Variants in PARD3B observed in about 807,000 individuals in gnomAD.
PARD3B encodes partitioning defective 3 homolog B.
A neutral mutation model predicts 130.2 loss-of-function variants in PARD3B; 103 were observed. The ratio of observed to expected loss-of-function variants is 0.79; its 90% CI spans 0.67 to 0.93. The LOEUF is 0.93. Among genes scored for constraint, PARD3B ranks in the 40% least tolerant of loss-of-function variants. The pLI is 0.00. For synonymous variants in PARD3B, 583 were observed against 553.2 expected, an observed-to-expected ratio of 1.05 and a Z score of -0.76; for missense variants, 1,609 against 1,499.2, an observed-to-expected ratio of 1.07 and a Z score of -1.21.
chr2:204,965,881 A>G (rs1410587471), intron 3 of PARD3B, among the ~76,000 whole-genome samples: 1 of 152,218 alleles, frequency 6.6e-6, no homozygotes, highest in Non-Finnish European at 1.5e-5. Flanking sequence ...CTAAAGTTTC[A>G]ATCAGTTTAC....
At chr2:204,829,085 G>A (rs2043704270) in intron 2 of PARD3B, among the ~76,000 whole-genome samples, 1 of 152,164 alleles carries the variant, frequency 6.6e-6, no homozygotes, top group South Asian at 2.1e-4. Flanking sequence ...GTAACCACCT[G>A]TAAGACAAAA....
chr2:204,582,822 T>C (rs1303449061), intron 1 of PARD3B, among the ~76,000 whole-genome samples: 1 of 152,218 alleles, frequency 6.6e-6, no homozygotes, highest in Non-Finnish European at 1.5e-5. Flanking sequence ...TGATTGCCAT[T>C]CTAACTGGTG....
intron 3 of PARD3B, among the ~76,000 whole-genome samples, chr2:204,968,859 G>T (rs985254764): frequency 1.3e-5 from 2 of 152,222 alleles, no homozygotes; most frequent in Admixed American, 6.5e-5. Flanking sequence ...AGCTGATGGG[G>T]TATATATTTT....
At chr2:204,800,536 A>T (rs2042531972) in intron 2 of PARD3B, among the ~76,000 whole-genome samples, 1 of 152,192 alleles carries the variant, frequency 6.6e-6, no homozygotes, top group African/African-American at 2.4e-5. Flanking sequence ...AGAGTGTTAT[A>T]TAACACCAAG....
At chr2:204,773,330 T>G (rs1244328782) in intron 2 of PARD3B, among the ~76,000 whole-genome samples, 2 of 151,936 alleles carry the variant, frequency 1.3e-5, no homozygotes, top group African/African-American at 2.4e-5. Flanking sequence ...TTACAAAACA[T>G]TTTTGCAAAA....
chr2:204,607,121 C>T (rs549866965), intron 1 of PARD3B, among the ~76,000 whole-genome samples: 59 of 152,010 alleles, frequency 3.9e-4, no homozygotes, highest in African/African-American at 1.1e-3. Context: ...CCAAGTTAAG[C>T]GTGTTTAATA....
intron 16 of PARD3B, among the ~76,000 whole-genome samples, chr2:205,290,986 A>G (rs931333930): frequency 2.6e-5 from 4 of 152,190 alleles, no homozygotes; most frequent in Admixed American, 2.6e-4. Context: ...GTGGAGAAAT[A>G]CATTTCTGTT....
chr2:204,570,397 G>A lies in PARD3B; in HGVS notation c.120+24278G>A, dbSNP rs114221345. ...GAAGACAAATAGGCTGCTTTGTGCC[G>A]CCTTCTGTATTAGCAAGGCAAAGAA... is the stretch of plus-strand genomic sequence containing the variant. On this transcript the variant is annotated intron_variant, in intron 1 of 22. Coordinates refer to ENST00000406610, the MANE Select transcript of PARD3B (RefSeq NM_001302769.2). 6.0e-3 allele frequency among the ~76,000 whole-genome samples: 912 copies of A among 152,254 alleles called. 9 individuals carry two copies. The highest frequency in any genetic ancestry group is 0.02 in the African/African-American group (832 of 41,552).
At chr2:204,568,780 C>A (rs146083965) in intron 1 of PARD3B, among the ~76,000 whole-genome samples, 15 of 151,890 alleles carry the variant, frequency 9.9e-5, no homozygotes, top group African/African-American at 3.1e-4. Flanking sequence ...TATGGTGAAA[C>A]CCTGTCTCTA....
chr2:204,847,899 G>C (rs1442887598), intron 2 of PARD3B, among the ~76,000 whole-genome samples: 1 of 152,158 alleles, frequency 6.6e-6, no homozygotes, highest in East Asian at 1.9e-4. Flanking sequence ...TTCTATCAAT[G>C]AGATTGTGAA....
At chr2:205,018,722 CAAAAAAAAAAAAAAAAA>C (rs5837948) in intron 3 of PARD3B, among the ~76,000 whole-genome samples, 1 of 43,152 alleles carries the variant, frequency 2.3e-5, no homozygotes, top group Non-Finnish European at 3.9e-5. Context: ...GCAGTATAAG[CAAAAAAAAAAAAAAAAA>C]AAAAAAAAAA....
chr2:205,420,667 T>G (rs2046937038), intron 19 of PARD3B, among the ~76,000 whole-genome samples: 1 of 152,132 alleles, frequency 6.6e-6, no homozygotes, highest in African/African-American at 2.4e-5. Context: ...CATAATTAAT[T>G]TATTGAAAGT....
chr2:205,044,172 A>C (rs1428469909), intron 3 of PARD3B, among the ~76,000 whole-genome samples: 5 of 151,964 alleles, frequency 3.3e-5, no homozygotes, highest in Non-Finnish European at 5.9e-5. Context: ...TCCATGGTGT[A>C]TACGTGCCAC....
intron 16 of PARD3B, among the ~76,000 whole-genome samples, chr2:205,298,253 G>A (rs80233664): frequency 0.039 from 5,891 of 152,068 alleles, 342 homozygotes; most frequent in African/African-American, 0.13. Context: ...CATCCCTAGG[G>A]GCTGATATTA....
At chr2:205,523,656 TAC>T (rs1273054662) in intron 21 of PARD3B, among the ~76,000 whole-genome samples, 1 of 152,128 alleles carries the variant, frequency 6.6e-6, no homozygotes, top group African/African-American at 2.4e-5. Context: ...GTATTTAATA[TAC>T]AGTTGTGTTT....
At chr2:204,648,596 TA>T (rs2035356520) in intron 1 of PARD3B, among the ~76,000 whole-genome samples, 1 of 125,418 alleles carries the variant, frequency 8.0e-6, no homozygotes, top group African/African-American at 3.2e-5. Flanking sequence ...ATATTATATA[TA>T]ATATATTTAT....
intron 2 of PARD3B, among the ~76,000 whole-genome samples, chr2:204,896,846 G>C (rs936822691): frequency 6.6e-6 from 1 of 152,126 alleles, no homozygotes; most frequent in African/African-American, 2.4e-5. Flanking sequence ...TCATTGTTTG[G>C]AGGTCACAGA....
At chr2:205,367,789 T>C (rs1247434422) in intron 18 of PARD3B, among the ~76,000 whole-genome samples, 2 of 152,194 alleles carry the variant, frequency 1.3e-5, no homozygotes, top group East Asian at 1.9e-4. Context: ...TGTCCTGCTA[T>C]TTATTTTTGT....
chr2:204,844,891 A>G (rs1166971449), intron 2 of PARD3B, among the ~76,000 whole-genome samples: 1 of 152,106 alleles, frequency 6.6e-6, no homozygotes. Flanking sequence ...GAAGGCTATT[A>G]TCTGTTTATA....
Sources: allele counts gnomAD v4.1 joint callset (sites outside exome capture counted in the v4.1 genomes callset), GRCh38; gene constraint gnomAD v4.1.1; transcripts MANE v1.5; gene names NCBI Gene and HGNC (gene_info 2026-07-23, HGNC 2026-07-21).